The following TIMM23 variants were observed in gnomAD, a reference collection of about 807,000 sequenced individuals.
TIMM23 encodes mitochondrial import inner membrane translocase subunit Tim23.
A neutral mutation model predicts 30.7 loss-of-function variants in TIMM23; 19 were observed. That is an observed-to-expected ratio of 0.62 (90% CI 0.43 to 0.91). The LOEUF (loss-of-function observed/expected upper bound fraction) is 0.91, where lower values mean the gene tolerates loss of function less well. Ranked by LOEUF, TIMM23 falls within the 40% of genes least tolerant of loss-of-function variation. The pLI is 0.00. For synonymous variants in TIMM23, 78 were observed against 98.5 expected, an observed-to-expected ratio of 0.79 and a Z score of 1.23; for missense variants, 202 against 269.2, an observed-to-expected ratio of 0.75 and a Z score of 1.75.
chr10:45,999,261 C>T (rs1210783918), intron 6 of TIMM23, among the ~76,000 whole-genome samples: 1 of 152,188 alleles, frequency 6.6e-6, no homozygotes, highest in Non-Finnish European at 1.5e-5. Context: ...TCACCTCATC[C>T]TCCCAAATAT....
chr10:45,983,651 C>T (rs1252655613), intron 4 of TIMM23, among the ~76,000 whole-genome samples: 1 of 152,168 alleles, frequency 6.6e-6, no homozygotes, highest in Non-Finnish European at 1.5e-5. Context: ...TGTTTTAGGA[C>T]ACTTTAAACT....
chr10:45,976,744 A>G (rs1554913196), intron 2 of TIMM23, among the ~76,000 whole-genome samples: 6 of 152,072 alleles, frequency 3.9e-5, no homozygotes, highest in Non-Finnish European at 7.4e-5. Context: ...CAAAATAAGT[A>G]TATTTACTCT....
chr10:46,003,407 C>G lies in TIMM23; in HGVS notation c.*89C>G. 2.2e-6 allele frequency: 2 copies of G among 927,242 alleles called. No homozygotes were observed. Among genetic ancestry groups the G allele is most frequent in the South Asian group, 1.6e-5 (1 of 61,378 alleles). The allele number at this position is 927,242 out of a possible 1,614,324, so 57.4% of individuals were successfully genotyped here. A position where few individuals can be genotyped will look rare whatever the true frequency, so the allele number is the denominator to read the frequency against. ...TTTGGAGTTATTCTCTCTCTTCTAC[C>G]TACAATTAGTTTGAAAAATTGGAGA... On this transcript the variant is annotated 3_prime_UTR_variant, in exon 7 of 7. Coordinates refer to ENST00000580018, the MANE Select transcript of TIMM23 (RefSeq NM_006327.4).
At chr10:45,980,961 A>G (rs1590114446) in intron 2 of TIMM23, among the ~76,000 whole-genome samples, 1 of 127,950 alleles carries the variant, frequency 7.8e-6, no homozygotes, top group Non-Finnish European at 1.6e-5. Flanking sequence ...TTTTTTGGAG[A>G]TGGAGTCTCG....
intron 6 of TIMM23, among the ~76,000 whole-genome samples, chr10:45,991,742 ACT>A (rs1367105341): frequency 1.3e-5 from 2 of 151,336 alleles, no homozygotes; most frequent in Admixed American, 6.6e-5. Flanking sequence ...TAAGAGTGAA[ACT>A]CTGTCTCAAA....
chr10:45,982,688 T>C (rs1331197637), intron 3 of TIMM23, 72 bp downstream of exon 3: 4 of 1,596,346 alleles, frequency 2.5e-6, no homozygotes, highest in Non-Finnish European at 3.4e-6. Flanking sequence ...TCAAAAGCAA[T>C]TAGAATGTTG....
intron 5 of TIMM23, among the ~76,000 whole-genome samples, chr10:45,988,192 G>A (rs1198323822): frequency 6.6e-6 from 1 of 152,102 alleles, no homozygotes; most frequent in African/African-American, 2.4e-5. Flanking sequence ...ACTGTGATTG[G>A]ACAAAAAGGG....
intron 6 of TIMM23, chr10:46,002,283 C>A (rs1554917799): frequency 6.6e-6 from 1 of 152,146 alleles, no homozygotes; most frequent in African/African-American, 2.4e-5. Flanking sequence ...TCAAGCGATC[C>A]TCCTACCTCA....
At chr10:45,997,410 G>C (rs916353279) in intron 6 of TIMM23, among the ~76,000 whole-genome samples, 53 of 152,310 alleles carry the variant, frequency 3.5e-4, no homozygotes, top group Middle Eastern at 6.8e-3. Context: ...AGAATAGTCA[G>C]ATTCATACAG....
Position 45,985,434 on chromosome 10 carries a change from T to C in TIMM23, c.396T>C (p.Gly132=). The C allele has an allele frequency of 1.9e-6, 3 of 1,613,438 alleles. No homozygotes were observed. Among genetic ancestry groups the C allele is most frequent in the Non-Finnish European group, 2.5e-6 (3 of 1,179,528 alleles). Residue 132 remains glycine (G), a synonymous_variant, in exon 5 of 7, where the codon GGT becomes GGC. Transcript: ENST00000580018. The stretch of plus-strand genomic sequence containing the variant: ...GGGCACTTTGGGCTAATACTCTAGG[T>C]TCTCTGGGTAAGTAGAGATCTCATT... ...RQGALWANTL[G]SLALLYSAFG...
At chr10:45,994,504 A>C (rs1838268938) in intron 6 of TIMM23, among the ~76,000 whole-genome samples, 1 of 116,208 alleles carries the variant, frequency 8.6e-6, no homozygotes, top group Non-Finnish European at 1.8e-5. Flanking sequence ...CAGTGGTGTG[A>C]TCATGGCTCA....
intron 6 of TIMM23, chr10:45,998,387 T>G: frequency 1.0e-6 from 1 of 985,326 alleles, no homozygotes; most frequent in South Asian, 4.7e-5. Context: ...GATCCCAAAA[T>G]ACAGGAGGTA....
intron 6 of TIMM23, among the ~76,000 whole-genome samples, chr10:46,000,001 A>G (rs576735445): frequency 6.6e-6 from 1 of 152,208 alleles, no homozygotes; most frequent in African/African-American, 2.4e-5. Flanking sequence ...ACTGGCGGTC[A>G]AAGTTTAAGG....
intron 5 of TIMM23, among the ~76,000 whole-genome samples, chr10:45,987,819 A>G (rs868916601): frequency 4.6e-5 from 7 of 151,694 alleles, no homozygotes; most frequent in African/African-American, 1.5e-4. Context: ...GGGTATCCCT[A>G]TGTTGTTGCC....
At chr10:45,997,289 G>C (rs868919899) in intron 6 of TIMM23, among the ~76,000 whole-genome samples, 1 of 151,456 alleles carries the variant, frequency 6.6e-6, no homozygotes, top group African/African-American at 2.4e-5. Flanking sequence ...CAGATGGTAA[G>C]ACATGGATGA....
intron 2 of TIMM23, among the ~76,000 whole-genome samples, chr10:45,979,259 G>C (rs1358555846): frequency 1.3e-5 from 2 of 152,200 alleles, no homozygotes; most frequent in African/African-American, 4.8e-5. Flanking sequence ...CTCTAAGTAA[G>C]TGGATTGTGT....
chr10:45,977,739 A>T (rs1388413161), intron 2 of TIMM23, among the ~76,000 whole-genome samples: 30 of 152,212 alleles, frequency 2.0e-4, no homozygotes, highest in African/African-American at 7.0e-4. Context: ...GACAATACCA[A>T]CAAGAATGGA....
chr10:45,984,227 A>G (rs1233836652), intron 4 of TIMM23, among the ~76,000 whole-genome samples: 4 of 152,214 alleles, frequency 2.6e-5, no homozygotes, highest in Non-Finnish European at 5.9e-5. Flanking sequence ...CATGAACCAT[A>G]ACGCATCCTC....
At chr10:45,996,778 G>A (rs1838346288) in intron 6 of TIMM23, among the ~76,000 whole-genome samples, 1 of 151,834 alleles carries the variant, frequency 6.6e-6, no homozygotes, top group African/African-American at 2.4e-5. Flanking sequence ...GTCCAGGAGT[G>A]TAAGGGCAAT....
Sources: gnomAD v4.1 joint callset for allele counts (sites outside exome capture counted in the v4.1 genomes callset) on GRCh38, gnomAD v4.1.1 for gene constraint, MANE v1.5 for transcripts, NCBI Gene and HGNC (gene_info 2026-07-23, HGNC 2026-07-21) for gene names.